The following MGAT4C variants were observed in gnomAD, a reference collection of about 807,000 sequenced individuals.
The protein encoded by MGAT4C is MGAT4 family member C, also known as alpha-1,3-mannosyl-glycoprotein 4-beta-N-acetylglucosaminyltransferase C.
In MGAT4C, 19 loss-of-function variants were observed where a neutral mutation model predicts 40.1. That is an observed-to-expected ratio of 0.47 (90% CI 0.33 to 0.70). The LOEUF is 0.70. Among genes scored for constraint, MGAT4C ranks in the 30% least tolerant of loss-of-function variants. The pLI is 0.02. For missense variants in MGAT4C, 491 were observed against 563.2 expected, an observed-to-expected ratio of 0.87 and a Z score of 1.30; for synonymous variants, 181 against 187.1, an observed-to-expected ratio of 0.97 and a Z score of 0.27.
chr12:86,291,926 C>A (rs1406126770), intron 4 of MGAT4C, among the ~76,000 whole-genome samples: 1 of 152,178 alleles, frequency 6.6e-6, no homozygotes, highest in African/African-American at 2.4e-5. Flanking sequence ...CTATTTTTAT[C>A]AAAGCATATC....
intron 2 of MGAT4C, among the ~76,000 whole-genome samples, chr12:86,516,076 A>G (rs1217772394): frequency 1.3e-5 from 2 of 151,954 alleles, no homozygotes; most frequent in African/African-American, 4.8e-5. Context: ...AATCCTAGCC[A>G]ACATTTTTTT....
At chr12:86,179,965 T>A (rs893596589) in intron 1 of MGAT4C, among the ~76,000 whole-genome samples, 1 of 152,204 alleles carries the variant, frequency 6.6e-6, no homozygotes, top group Admixed American at 6.5e-5. Context: ...CTCCAGGCCA[T>A]GTCAGCAACC....
intron 1 of MGAT4C, among the ~76,000 whole-genome samples, chr12:86,757,098 C>T (rs1446898796): frequency 6.6e-6 from 1 of 151,788 alleles, no homozygotes; most frequent in Non-Finnish European, 1.5e-5. Flanking sequence ...CCATCATTCT[C>T]AGCAAACTAT....
intron 2 of MGAT4C, among the ~76,000 whole-genome samples, chr12:86,553,427 T>C (rs917819732): frequency 2.0e-4 from 30 of 149,562 alleles, no homozygotes; most frequent in Non-Finnish European, 3.4e-4. Flanking sequence ...CAATAAAGCT[T>C]CACAATAAGT....
rs113808164 is a variant in MGAT4C at position 86,639,135 on chromosome 12, T to C, written c.-229+88074A>G. Among the ~76,000 whole-genome samples, 62 of 151,910 alleles carry C rather than the reference T, an allele frequency of 4.1e-4. 1 individual carries two copies. The highest frequency in any genetic ancestry group is 1.5e-3 in the African/African-American group (61 of 41,538). On this transcript the variant is annotated intron_variant, in intron 2 of 7. Transcript: ENST00000548651. Reference sequence around the variant, plus strand: ...ACCTTTTGGGACACTCTGCTCTCTGTTGCACAATGTCATTTACCAAAATTA... The same window carrying C: ...ACCTTTTGGGACACTCTGCTCTCTGCTGCACAATGTCATTTACCAAAATTA...
At chr12:86,113,650 A>C (rs1426561625) in intron 1 of MGAT4C, among the ~76,000 whole-genome samples, 1 of 151,820 alleles carries the variant, frequency 6.6e-6, no homozygotes, top group East Asian at 1.9e-4. Flanking sequence ...AGAGAAGTGA[A>C]CTAGTAGAAA....
At chr12:86,056,404 C>T (rs986474420) in intron 1 of MGAT4C, among the ~76,000 whole-genome samples, 42 of 152,194 alleles carry the variant, frequency 2.8e-4, no homozygotes, top group African/African-American at 8.9e-4. Context: ...CCCCTTAAGG[C>T]CCCAGTGTGT....
At chr12:86,272,143 A>C (rs114470001) in intron 4 of MGAT4C, among the ~76,000 whole-genome samples, 4,381 of 152,286 alleles carry the variant, frequency 0.029, 106 homozygotes, top group African/African-American at 0.065. Flanking sequence ...GAATATCCTA[A>C]ATACACTGAC....
At chr12:86,097,586 CA>C (rs1874177949) in intron 1 of MGAT4C, among the ~76,000 whole-genome samples, 1 of 151,346 alleles carries the variant, frequency 6.6e-6, no homozygotes, top group Admixed American at 6.6e-5. Context: ...ACCATAAGAC[CA>C]GAGAGTATAC....
In MGAT4C at chr12:86,368,425, C is replaced by T. The variant is rs543634533; in HGVS notation, c.-119-34298G>A. Reference sequence around the variant, plus strand: ...TTGATCTTTGTTATTTTCTCACTTCCGTCACCTTTAGGCTTGATTTTTTTA... The same window carrying T: ...TTGATCTTTGTTATTTTCTCACTTCTGTCACCTTTAGGCTTGATTTTTTTA... On this transcript the variant is annotated intron_variant, in intron 3 of 7. Coordinates refer to the MGAT4C transcript ENST00000548651. 9.2e-5 allele frequency among the ~76,000 whole-genome samples: 14 copies of T among 151,622 alleles called. No homozygotes were observed. In the East Asian group the frequency reaches 1.7e-3, roughly 19 times the overall value.
At chr12:86,239,730 C>T (rs1951697862) in intron 1 of MGAT4C, among the ~76,000 whole-genome samples, 1 of 151,818 alleles carries the variant, frequency 6.6e-6, no homozygotes, top group Admixed American at 6.6e-5. Flanking sequence ...AATTCTTTTT[C>T]TTTTACTTTA....
chr12:86,134,021 A>AT (rs1475845308), intron 1 of MGAT4C, among the ~76,000 whole-genome samples: 3 of 151,944 alleles, frequency 2.0e-5, no homozygotes, highest in Non-Finnish European at 2.9e-5. Context: ...CTACGTTTGC[A>AT]TTTTTTATTT....
At chr12:86,275,853 G>T (rs373910241) in intron 4 of MGAT4C, among the ~76,000 whole-genome samples, 3 of 145,598 alleles carry the variant, frequency 2.1e-5, no homozygotes, top group South Asian at 2.2e-4. Flanking sequence ...TGTAATCCCA[G>T]CACTTTGGGA....
intron 2 of MGAT4C, among the ~76,000 whole-genome samples, chr12:86,487,077 A>G (rs1414672628): frequency 6.6e-6 from 1 of 152,198 alleles, no homozygotes; most frequent in East Asian, 1.9e-4. Context: ...GTGACAGAAG[A>G]ATCAGAATAA....
chr12:86,747,164 A>G (rs1448296754), intron 1 of MGAT4C, among the ~76,000 whole-genome samples: 1 of 151,638 alleles, frequency 6.6e-6, no homozygotes, highest in African/African-American at 2.4e-5. Context: ...GCAGGATTTC[A>G]GTGAGGATTA....
At chr12:86,326,907 G>A (rs1458100237) in intron 4 of MGAT4C, among the ~76,000 whole-genome samples, 1 of 152,030 alleles carries the variant, frequency 6.6e-6, no homozygotes, top group Non-Finnish European at 1.5e-5. Context: ...TAGTTAAGAA[G>A]GATGATTCAG....
intron 2 of MGAT4C, among the ~76,000 whole-genome samples, chr12:86,457,655 T>C (rs1254680103): frequency 6.6e-6 from 1 of 152,088 alleles, no homozygotes; most frequent in African/African-American, 2.4e-5. Flanking sequence ...GAAAATAGCA[T>C]GTTAATTTAT....
At position 86,458,187 on chromosome 12, in the gene MGAT4C, T is replaced by TA. The variant is rs556335467; in HGVS notation, c.-228-22923dup. Among the ~76,000 whole-genome samples the TA allele has an allele frequency of 2.1e-4, 32 of 152,146 alleles. No individual in the cohort carries two copies. The East Asian group carries it at 5.4e-3, about 26-fold the overall frequency. ...ACCTTAAATTTATTTTAGAAGAAAA[T>TA]AAAAAAATACTTAAAATCATTACAG... On this transcript the variant is annotated intron_variant, in intron 2 of 7. Transcript: ENST00000548651.
intron 2 of MGAT4C, among the ~76,000 whole-genome samples, chr12:86,707,658 G>A (rs1161718393): frequency 6.6e-6 from 1 of 151,700 alleles, no homozygotes; most frequent in Non-Finnish European, 1.5e-5. Context: ...GGCCTCCCAA[G>A]TAGCTGGGGT....
Sources: allele counts gnomAD v4.1 joint callset (sites outside exome capture counted in the v4.1 genomes callset), GRCh38; gene constraint gnomAD v4.1.1; transcripts MANE v1.5; gene names NCBI Gene and HGNC (gene_info 2026-07-23, HGNC 2026-07-21).